GALK2: variants seen among roughly 807,000 people sequenced by gnomAD.
GALK2 encodes N-acetylgalactosamine kinase.
Under a neutral mutation model 52.4 loss-of-function variants are expected in GALK2, and 36 were observed. That is an observed-to-expected ratio of 0.69 (90% CI 0.53 to 0.91). The LOEUF (loss-of-function observed/expected upper bound fraction) is 0.91, where lower values mean the gene tolerates loss of function less well. GALK2 is among the 40% of genes least tolerant of loss of function. The pLI is 0.00. For missense variants in GALK2, 579 were observed against 559.1 expected (o/e 1.04, Z -0.36); for synonymous variants, 176 against 199.1 (o/e 0.88, Z 0.98).
chr15:49,357,300 G>T (rs1409725259), intron 3 of GALK2, among the ~76,000 whole-genome samples: 3 of 150,618 alleles, frequency 2.0e-5, no homozygotes, highest in Non-Finnish European at 3.0e-5. Context: ...CCAGGAGCTG[G>T]TTTTTTGAAA....
intron 3 of GALK2, chr15:49,365,825 C>T (rs2045069154): frequency 1.1e-6 from 1 of 875,250 alleles, no homozygotes; most frequent in Non-Finnish European, 2.0e-6. Flanking sequence ...ATAAGTCTCA[C>T]TTCCATGCTT....
intron 8 of GALK2, chr15:49,318,204 T>C (rs962600838): frequency 8.5e-5 from 13 of 152,160 alleles, no homozygotes; most frequent in Non-Finnish European, 2.9e-5. Context: ...TAAGGAAGTC[T>C]CAGTTGTTAT....
intron 5 of GALK2, among the ~76,000 whole-genome samples, chr15:49,271,457 T>TG (rs1211814424): frequency 6.6e-6 from 1 of 152,168 alleles, no homozygotes; most frequent in African/African-American, 2.4e-5. Flanking sequence ...GGGAAGGCTT[T>TG]GGGGGCTCCT....
intron 9 of GALK2, among the ~76,000 whole-genome samples, chr15:49,324,368 C>T (rs2037150411): frequency 8.1e-6 from 1 of 123,258 alleles, no homozygotes; most frequent in African/African-American, 3.2e-5. Flanking sequence ...GCTCTTTCCC[C>T]ATGACCTTAA....
At chr15:49,353,570 TTA>T (rs2042567665) in intron 3 of GALK2, 1 of 152,100 alleles carries the variant, frequency 6.6e-6, no homozygotes, top group Admixed American at 6.5e-5. Context: ...ACAGATAATT[TTA>T]TGACATTGAC....
intron 8 of GALK2, among the ~76,000 whole-genome samples, chr15:49,297,802 A>G (rs1314969736): frequency 6.6e-6 from 1 of 152,066 alleles, no homozygotes; most frequent in Non-Finnish European, 1.5e-5. Flanking sequence ...CTGTTGTTTT[A>G]TGCTGTTTTG....
chr15:49,170,544 C>T (rs373016771), intron 1 of GALK2, 169 bp downstream of exon 1: 34 of 627,222 alleles, frequency 5.4e-5, no homozygotes, highest in East Asian at 2.2e-4. Flanking sequence ...AAAGATCACG[C>T]CGCAAACACA....
At chr15:49,171,368 C>T (rs1294677878) in intron 1 of GALK2, among the ~76,000 whole-genome samples, 2 of 152,130 alleles carry the variant, frequency 1.3e-5, no homozygotes, top group Non-Finnish European at 2.9e-5. Context: ...AGACGTGAGC[C>T]ATCGCGCCCG....
At chr15:49,167,191 T>C (rs2084850147), upstream of GALK2, among the ~76,000 whole-genome samples, 1 of 152,230 alleles carries the variant, frequency 6.6e-6, no homozygotes. Context: ...CAATTTCAAG[T>C]TTATTAATTA....
At chr15:49,196,078 T>C (rs1459570881) in intron 1 of GALK2, among the ~76,000 whole-genome samples, 2 of 152,128 alleles carry the variant, frequency 1.3e-5, no homozygotes, top group Non-Finnish European at 2.9e-5. Context: ...TAATGGCTTA[T>C]TTTGTTAACT....
chr15:49,335,454 T>C (rs767473202), downstream of GALK2: 1 of 1,613,604 alleles, frequency 6.2e-7, no homozygotes, highest in African/African-American at 1.3e-5. Context: ...CAAATTGTCT[T>C]TTTGCCTCCT....
chr15:49,176,476 C>CT (rs1189199566), intron 1 of GALK2, among the ~76,000 whole-genome samples: 1 of 152,052 alleles, frequency 6.6e-6, no homozygotes, highest in East Asian at 1.9e-4. Flanking sequence ...CTTTTTTTGT[C>CT]TTTAGATCAA....
intron 9 of GALK2, among the ~76,000 whole-genome samples, chr15:49,324,695 T>C (rs1341047183): frequency 6.6e-6 from 1 of 152,164 alleles, no homozygotes; most frequent in East Asian, 1.9e-4. Flanking sequence ...CCTGTGACTC[T>C]TGCCATTTCC....
chr15:49,346,593 C>T (rs978417361), intron 3 of GALK2, among the ~76,000 whole-genome samples: 1 of 152,122 alleles, frequency 6.6e-6, no homozygotes, highest in African/African-American at 2.4e-5. Context: ...CAGAACAGAC[C>T]TGGACCTCGG....
chr15:49,157,944 G>A (rs117208418), intron 1 of GALK2, among the ~76,000 whole-genome samples: 7,559 of 152,172 alleles, frequency 0.05, 286 homozygotes, highest in Middle Eastern at 0.16. Flanking sequence ...AAATTTAAGG[G>A]TTATCATGAA....
rs1182251106 is a variant in GALK2 at position 49,319,620 on chromosome 15, C to CT, written c.985dup (p.Tyr329LeufsTer18). On this transcript the variant is annotated frameshift_variant, in exon 9 of 10. Coordinates refer to ENST00000560031, the MANE Select transcript of GALK2 (RefSeq NM_002044.4). LOFTEE classifies it high-confidence loss of function. Reference sequence around the variant, plus strand: ...CTTCCTCAGTGCTCATCTTCAAACTCTATCAGCGGGCAAAGCATGTGTACA... The same window carrying CT: ...CTTCCTCAGTGCTCATCTTCAAACTCTTATCAGCGGGCAAAGCATGTGTACA... The CT allele has an allele frequency of 6.2e-7, 1 of 1,614,190 alleles. No homozygotes were observed. Among genetic ancestry groups the CT allele is most frequent in the East Asian group, 2.2e-5 (1 of 44,880 alleles).
chr15:49,289,641 C>T (rs974997424), intron 7 of GALK2, among the ~76,000 whole-genome samples: 4 of 152,154 alleles, frequency 2.6e-5, no homozygotes, highest in Non-Finnish European at 4.4e-5. Context: ...CTGAGCTTTA[C>T]ACATACAGGT....
rs768844377 is a variant in GALK2 at position 49,327,939 on chromosome 15, C to T, written c.1170-13C>T. On this transcript the variant is annotated splice_polypyrimidine_tract_variant and intron_variant, in intron 9 of 9. Transcript: ENST00000560031. ...ATTTATAGGTTCTAATATTTTTTTC[C>T]TCACTGTTTTAGGAAGTTTGGGGCT... The T allele has an allele frequency of 1.0e-5, 16 of 1,588,800 alleles. No homozygotes were observed. In the Admixed American group the frequency reaches 1.1e-4, roughly 11 times the overall value.
intron 7 of GALK2, among the ~76,000 whole-genome samples, chr15:49,286,736 T>C (rs1364088249): frequency 6.6e-6 from 1 of 152,172 alleles, no homozygotes; most frequent in Admixed American, 6.5e-5. Flanking sequence ...CAATGAACTT[T>C]TTTTCTTTTA....
Sources: gnomAD v4.1 joint callset for allele counts (sites outside exome capture counted in the v4.1 genomes callset) on GRCh38, gnomAD v4.1.1 for gene constraint, MANE v1.5 for transcripts, NCBI Gene and HGNC (gene_info 2026-07-23, HGNC 2026-07-21) for gene names.